The following PDCD6IP variants were observed in gnomAD, a reference collection of about 807,000 sequenced individuals.
The protein encoded by PDCD6IP is programmed cell death 6-interacting protein.
In PDCD6IP, 43 loss-of-function variants were observed where a neutral mutation model predicts 103.7. The observed-to-expected ratio is 0.41, with a 90% confidence interval of 0.32 to 0.53. The LOEUF (loss-of-function observed/expected upper bound fraction) is 0.53, where lower values mean the gene tolerates loss of function less well. PDCD6IP is among the 20% of genes least tolerant of loss of function. The pLI is 0.16. For missense variants in PDCD6IP, 871 were observed against 1,036.7 expected, an observed-to-expected ratio of 0.84 and a Z score of 2.20; for synonymous variants, 354 against 378.7, an observed-to-expected ratio of 0.93 and a Z score of 0.76.
chr3:33,819,041 A>G (rs1020009398), intron 3 of PDCD6IP, among the ~76,000 whole-genome samples: 1 of 151,658 alleles, frequency 6.6e-6, no homozygotes, highest in Non-Finnish European at 1.5e-5. Flanking sequence ...AAGCTCTGGG[A>G]AGTTTTCTTA....
At chr3:33,848,629 G>T (rs1697647832) in intron 12 of PDCD6IP, among the ~76,000 whole-genome samples, 1 of 152,030 alleles carries the variant, frequency 6.6e-6, no homozygotes, top group Non-Finnish European at 1.5e-5. Flanking sequence ...GGTCTCGATC[G>T]CTTGACCTTG....
intron 8 of PDCD6IP, among the ~76,000 whole-genome samples, chr3:33,837,937 A>G (rs1457962176): frequency 6.6e-6 from 1 of 152,208 alleles, no homozygotes. Context: ...AGATCCCTCA[A>G]ACTCAGTGAT....
intron 4 of PDCD6IP, 58 bp from the exon 5 acceptor site, chr3:33,825,129 C>A: frequency 7.1e-7 from 1 of 1,404,714 alleles, no homozygotes; most frequent in Non-Finnish European, 9.9e-7. Flanking sequence ...TTATATGTAA[C>A]AGTAGGAAAT....
At chr3:33,850,546 G>C (rs1469670626) in intron 12 of PDCD6IP, among the ~76,000 whole-genome samples, 1 of 151,498 alleles carries the variant, frequency 6.6e-6, no homozygotes, top group Non-Finnish European at 1.5e-5. Context: ...CCCAAATTAT[G>C]CATACATATG....
At chr3:33,814,843 GTAT>G (rs1382598575) in intron 3 of PDCD6IP, among the ~76,000 whole-genome samples, 17 of 126,948 alleles carry the variant, frequency 1.3e-4, no homozygotes, top group African/African-American at 2.3e-4. Context: ...CTATATGCAT[GTAT>G]TATTCATATA....
At chr3:33,813,537 T>A in intron 2 of PDCD6IP, 22 bp from the exon 3 acceptor site, 1 of 1,493,612 alleles carries the variant, frequency 6.7e-7, no homozygotes, top group Non-Finnish European at 9.2e-7. Flanking sequence ...CCTAATTTTC[T>A]GTTTTCTTTC....
Position 33,864,028 on chromosome 3 carries a change from A to G in PDCD6IP, c.2143A>G (p.Arg715Gly), listed in dbSNP as rs759845821. ...AAGGGACTTGCAACAAAGCATTGCC[A>G]GAGAACCTAGTGCTCCTTCAATTCC... Reference protein sequence around the residue: ...LLKDLQQSIAREPSAPSIPTP... With the variant: ...LLKDLQQSIAGEPSAPSIPTP... Residue 715 changes from arginine to glycine, a missense_variant, in exon 16 of 18, where the codon AGA becomes GGA. By Grantham distance (125) the Arg-to-Gly change is moderately radical. Coordinates refer to ENST00000307296, the MANE Select transcript of PDCD6IP (RefSeq NM_013374.6). The G allele has an allele frequency of 6.8e-6, 11 of 1,613,682 alleles. No individual in the cohort carries two copies. The highest frequency in any genetic ancestry group is 9.3e-6 in the Non-Finnish European group (11 of 1,179,648).
chr3:33,842,529 C>T (rs1183316922), intron 10 of PDCD6IP, among the ~76,000 whole-genome samples: 1 of 151,390 alleles, frequency 6.6e-6, no homozygotes, highest in Non-Finnish European at 1.5e-5. Context: ...ATTCCAATAT[C>T]TGTAGTTTTT....
chr3:33,820,672 G>A (rs998975083), intron 3 of PDCD6IP, among the ~76,000 whole-genome samples: 15 of 152,062 alleles, frequency 9.9e-5, no homozygotes, highest in African/African-American at 3.4e-4. Flanking sequence ...GTCTTTTTGT[G>A]ACTGACATTT....
At chr3:33,837,307 A>G (rs559683942) in intron 8 of PDCD6IP, among the ~76,000 whole-genome samples, 5 of 152,364 alleles carry the variant, frequency 3.3e-5, no homozygotes, top group African/African-American at 9.6e-5. Context: ...AACAGATGGT[A>G]GCCTCTAGCT....
chr3:33,825,276 T>C lies in PDCD6IP; in HGVS notation c.552T>C (p.Val184=). 1.2e-6 allele frequency: 2 copies of C among 1,613,734 alleles called. No individual in the cohort carries two copies. The highest frequency in any genetic ancestry group is 1.7e-6 in the Non-Finnish European group (2 of 1,179,816). Residue 184 remains valine, a synonymous_variant, in exon 5 of 18, where the codon GTT becomes GTC. Coordinates refer to ENST00000307296, the MANE Select transcript of PDCD6IP (RefSeq NM_013374.6). ...EPTVDISPDT[V]GTLSLIMLAQ... The stretch of plus-strand genomic sequence containing the variant: ...CCGTGGACATATCTCCAGATACTGT[T>C]GGGACCCTCAGTCTTATTATGCTGG...
chr3:33,836,292 T>A, intron 8 of PDCD6IP, 26 bp downstream of exon 8: 1 of 1,304,486 alleles, frequency 7.7e-7, no homozygotes, highest in Non-Finnish European at 1.1e-6. Context: ...AGACACACTT[T>A]AATCTCATTT....
At chr3:33,834,671 CTTA>C (rs922385789) in intron 7 of PDCD6IP, among the ~76,000 whole-genome samples, 97 of 152,212 alleles carry the variant, frequency 6.4e-4, no homozygotes, top group African/African-American at 2.3e-3. Flanking sequence ...GATTTTTTAA[CTTA>C]TTATTTTGGA....
intron 13 of PDCD6IP, 60 bp from the exon 14 acceptor site, chr3:33,853,817 ATG>A (rs1363299856): frequency 8.2e-7 from 1 of 1,226,428 alleles, no homozygotes; most frequent in Non-Finnish European, 1.1e-6. Context: ...ATCAATAAAA[ATG>A]TTATGAGCTA....
At chr3:33,848,147 G>C (rs1697634457) in intron 12 of PDCD6IP, among the ~76,000 whole-genome samples, 1 of 152,058 alleles carries the variant, frequency 6.6e-6, no homozygotes, top group Non-Finnish European at 1.5e-5. Flanking sequence ...TAGACATATT[G>C]ACAATGACTG....
At chr3:33,829,078 A>G (rs1477428599) in intron 7 of PDCD6IP, 109 bp downstream of exon 7, 13 of 690,208 alleles carry the variant, frequency 1.9e-5, no homozygotes, top group Non-Finnish European at 2.7e-5. Context: ...CATCACCCCT[A>G]TCAGCAGGGA....
At chr3:33,842,626 T>C (rs1697500166) in intron 10 of PDCD6IP, among the ~76,000 whole-genome samples, 1 of 152,090 alleles carries the variant, frequency 6.6e-6, no homozygotes, top group South Asian at 2.1e-4. Flanking sequence ...TTTGTTACTG[T>C]TTTTTAAAAC....
chr3:33,813,029 A>T (rs749214251), intron 2 of PDCD6IP, among the ~76,000 whole-genome samples: 13 of 152,206 alleles, frequency 8.5e-5, no homozygotes, highest in African/African-American at 3.1e-4. Context: ...TTTTTAATAA[A>T]CATTTAATTT....
intron 3 of PDCD6IP, among the ~76,000 whole-genome samples, chr3:33,816,311 C>T (rs951417954): frequency 1.3e-5 from 2 of 151,866 alleles, no homozygotes; most frequent in Non-Finnish European, 2.9e-5. Context: ...TTGAGATTAT[C>T]CTGACCAACA....
Sources: allele counts gnomAD v4.1 joint callset (sites outside exome capture counted in the v4.1 genomes callset), GRCh38; gene constraint gnomAD v4.1.1; transcripts MANE v1.5; gene names NCBI Gene and HGNC (gene_info 2026-07-23, HGNC 2026-07-21).